USP24: variants seen among roughly 807,000 people sequenced by gnomAD.
The protein encoded by USP24 is ubiquitin carboxyl-terminal hydrolase 24.
USP24 carries 97 observed loss-of-function variants against 361.6 expected under a neutral mutation model. The observed-to-expected ratio is 0.27, with a 90% confidence interval of 0.23 to 0.32. The LOEUF (loss-of-function observed/expected upper bound fraction) is 0.32. USP24 is among the 10% of genes least tolerant of loss of function. The pLI, the probability that USP24 is intolerant of heterozygous loss-of-function variation, is 1.00. For synonymous variants in USP24, 1,098 were observed against 1,124.6 expected (o/e 0.98, Z 0.47); for missense variants, 2,353 against 3,165.6 (o/e 0.74, Z 6.16).
In USP24 at chr1:55,138,995, T is replaced by C. The variant is rs1646814111; in HGVS notation, c.2766A>G (p.Val922=). The C allele has an allele frequency of 1.2e-6, 2 of 1,612,082 alleles. No homozygotes were observed. Among genetic ancestry groups the C allele is most frequent in the South Asian group, 1.1e-5 (1 of 90,732 alleles). Residue 922 remains valine, a synonymous_variant, in exon 25 of 68, where the codon GTA becomes GTG. Coordinates refer to ENST00000294383, the MANE Select transcript of USP24 (RefSeq NM_015306.3). ...CCAGAAGCAGCAATCTCTCAATTAT[T>C]ACAAGTTTAGTAGATCTATAGATTA... ...VQSPYRSTKL[V]IIERLLLLAE...
chr1:55,185,439 CA>C (rs1298267049), intron 1 of USP24, among the ~76,000 whole-genome samples: 4 of 150,742 alleles, frequency 2.7e-5, no homozygotes, highest in Non-Finnish European at 5.9e-5. Context: ...TAAATAAAAC[CA>C]AAAGTTGGTT....
chr1:55,172,128 G>A (rs1022782968), intron 4 of USP24, among the ~76,000 whole-genome samples: 1 of 152,110 alleles, frequency 6.6e-6, no homozygotes, highest in Non-Finnish European at 1.5e-5. Flanking sequence ...ATGAATAATC[G>A]GGGAGAGGTA....
chr1:55,120,442 C>T (rs996008318), intron 38 of USP24, among the ~76,000 whole-genome samples, 154 bp downstream of exon 38: 6 of 152,146 alleles, frequency 3.9e-5, no homozygotes, highest in Non-Finnish European at 5.9e-5. Flanking sequence ...TCTAACTCTC[C>T]TATCCAAATG....
intron 8 of USP24, among the ~76,000 whole-genome samples, chr1:55,160,928 G>A (rs975232443): frequency 5.3e-5 from 8 of 152,188 alleles, no homozygotes; most frequent in Non-Finnish European, 1.2e-4. Context: ...TGAAATTAAT[G>A]ATATTTATAT....
intron 67 of USP24, 128 bp from the exon 68 acceptor site, chr1:55,069,235 A>G (rs1318337847): frequency 1.2e-6 from 1 of 819,758 alleles, no homozygotes; most frequent in Non-Finnish European, 2.0e-6. Context: ...AAGGGTAATA[A>G]AATGTGATAA....
chr1:55,152,410 G>A (rs971994819), intron 16 of USP24, among the ~76,000 whole-genome samples: 5 of 152,198 alleles, frequency 3.3e-5, no homozygotes, highest in African/African-American at 1.2e-4. Flanking sequence ...ATAATGGTCA[G>A]GAGGGATATT....
At chr1:55,109,924 C>T (rs1645901452) in intron 39 of USP24, among the ~76,000 whole-genome samples, 1 of 152,122 alleles carries the variant, frequency 6.6e-6, no homozygotes, top group African/African-American at 2.4e-5. Context: ...AGTTTCGTAT[C>T]AGTGTAATTA....
At chr1:55,185,599 C>CTGG in intron 1 of USP24, among the ~76,000 whole-genome samples, 2 of 152,154 alleles carry the variant, frequency 1.3e-5, no homozygotes, top group Non-Finnish European at 2.9e-5. Context: ...CTTGCTCTGT[C>CTGG]ATCCAGGCTG....
Position 55,162,215 on chromosome 1 carries a change from T to A in USP24, c.977A>T (p.Asn326Ile). The change falls in exon 8 of 68, where the codon AAT becomes ATT. Residue 326 changes from asparagine (N) to isoleucine (I), a missense_variant. Transcript: ENST00000294383. ...QPLGVCAEYLNSSVVQPMLDP... is the reference protein window; with the variant it reads ...QPLGVCAEYLISSVVQPMLDP... ...TAATCCTACCTGTACCACGGAGGAA[T>A]TGAGGTACTCTGCACACACTCCTAA... The A allele has an allele frequency of 1.3e-6, 2 of 1,596,060 alleles. No homozygotes were observed. The highest frequency in any genetic ancestry group is 2.3e-5 in the East Asian group (1 of 43,624).
At chr1:55,189,315 C>T (rs751042918) in intron 1 of USP24, among the ~76,000 whole-genome samples, 8 of 152,100 alleles carry the variant, frequency 5.3e-5, no homozygotes, top group Non-Finnish European at 7.4e-5. Flanking sequence ...TATATCCATA[C>T]AATGAAGTAT....
rs528759258 is a variant in USP24 at position 55,115,838 on chromosome 1, T to C, written c.4508+4758A>G. ...TACACCATGGAATACTATGTGGCCA[T>C]AGAAAAGGATGAGTTCATACCCTTT... On this transcript the variant is annotated intron_variant, in intron 38 of 67. Transcript: ENST00000294383. 6.5e-4 allele frequency among the ~76,000 whole-genome samples: 99 copies of C among 152,310 alleles called. 1 individual carries two copies. The highest frequency in any genetic ancestry group is 2.2e-3 in the African/African-American group (91 of 41,566).
chr1:55,072,724 CT>C, intron 65 of USP24, 61 bp downstream of exon 65: 2 of 1,469,376 alleles, frequency 1.4e-6, no homozygotes, highest in Non-Finnish European at 1.8e-6. Flanking sequence ...GAGATTTTTC[CT>C]GACAAGATGT....
intron 1 of USP24, among the ~76,000 whole-genome samples, chr1:55,198,989 T>C (rs1202649820): frequency 6.6e-6 from 1 of 152,152 alleles, no homozygotes; most frequent in Non-Finnish European, 1.5e-5. Flanking sequence ...GAATCTGGCT[T>C]AAAAGAACAT....
At chr1:55,118,376 G>C (rs1290227183) in intron 38 of USP24, among the ~76,000 whole-genome samples, 3 of 152,122 alleles carry the variant, frequency 2.0e-5, no homozygotes, top group Admixed American at 2.0e-4. Flanking sequence ...TTTTAAAAAG[G>C]GGCACTGGGA....
At chr1:55,072,684 C>A in intron 65 of USP24, 102 bp downstream of exon 65, 1 of 1,178,144 alleles carries the variant, frequency 8.5e-7, no homozygotes, top group Non-Finnish European at 1.2e-6. Flanking sequence ...TCTGAAAACA[C>A]TTTAAGGTCA....
intron 12 of USP24, among the ~76,000 whole-genome samples, chr1:55,155,745 G>A (rs116388181): frequency 0.013 from 1,940 of 152,266 alleles, 36 homozygotes; most frequent in African/African-American, 0.044. Flanking sequence ...TGGGAGATGA[G>A]TGGCAGGATG....
rs1644885540 is a variant in USP24 at position 55,069,900 on chromosome 1, A to AAT, written c.7801-794_7801-793insAT. On this transcript the variant is annotated intron_variant, in intron 67 of 67. Transcript: ENST00000294383. ...AAAAAAAAAAAAAAAAAAAAAAAAA[A>AAT]TCAGAAAATGGGGGTGGGGAGGTGC... is the stretch of plus-strand genomic sequence containing the variant. Among the ~76,000 whole-genome samples, 7 of 113,934 alleles carry AAT rather than the reference A, an allele frequency of 6.1e-5. 1 individual carries two copies. The highest frequency in any genetic ancestry group is 2.3e-4 in the African/African-American group (7 of 30,692). The allele number at this position is 113,934 out of a possible 152,430, so 74.7% of individuals were successfully genotyped here.
intron 8 of USP24, among the ~76,000 whole-genome samples, chr1:55,161,388 AAAG>A (rs1363481105): frequency 2.0e-5 from 3 of 151,900 alleles, no homozygotes; most frequent in Admixed American, 1.3e-4. Context: ...AAAAAAAAGA[AAAG>A]AAAAGAAAAA....
intron 47 of USP24, 68 bp downstream of exon 47, chr1:55,097,875 C>T (rs1645533356): frequency 1.3e-6 from 2 of 1,535,798 alleles, no homozygotes; most frequent in African/African-American, 1.4e-5. Flanking sequence ...ACTGATTTTA[C>T]ATAAAACAAA....
Sources: allele counts gnomAD v4.1 joint callset (sites outside exome capture counted in the v4.1 genomes callset), GRCh38; gene constraint gnomAD v4.1.1; transcripts MANE v1.5; gene names NCBI Gene and HGNC (gene_info 2026-07-23, HGNC 2026-07-21).